The following DDX24 variants were observed in gnomAD, a reference collection of about 807,000 sequenced individuals.
The protein encoded by DDX24 is DEAD-box helicase 24.
A neutral mutation model predicts 68.9 loss-of-function variants in DDX24; 24 were observed. The ratio of observed to expected loss-of-function variants is 0.35; its 90% confidence interval spans 0.25 to 0.49. The LOEUF is 0.49. DDX24 is among the 20% of genes least tolerant of loss of function. The pLI, the probability that DDX24 is intolerant of heterozygous loss-of-function variation, is 0.99. For missense variants in DDX24, 989 were observed against 1,039.0 expected (o/e 0.95, Z 0.66); for synonymous variants, 395 against 385.2 (o/e 1.03, Z -0.30).
Position 94,080,769 on chromosome 14 carries a change from C to T in DDX24, c.-6+350G>A, listed in dbSNP as rs1297178729. ...TCAACAAGGAGAGGGCGAGGGGTGCCACGCGAACCGGGCGAGGACACGGAG... is the reference window on the plus strand; with the variant it reads ...TCAACAAGGAGAGGGCGAGGGGTGCTACGCGAACCGGGCGAGGACACGGAG... On this transcript the variant is annotated intron_variant, in intron 1 of 8. Transcript: ENST00000621632. Among the ~76,000 whole-genome samples the T allele has an allele frequency of 3.9e-5, 6 of 152,252 alleles. No homozygotes were observed. The East Asian group carries it at 1.2e-3, about 29-fold the overall frequency.
chr14:94,062,451 C>A lies in DDX24; in HGVS notation c.889G>T (p.Ala297Ser). The change falls in exon 3 of 9, where the codon GCA (alanine) becomes TCA (serine). Residue 297 changes from alanine to serine, a missense_variant. Around this residue, in one of 3 missense-constraint regions of DDX24, gnomAD observed 691 missense variants for 760.0 expected, o/e 0.91. Coordinates refer to ENST00000621632, the MANE Select transcript of DDX24 (RefSeq NM_020414.4). ...SPGKAEAESD[A>S]LPDDTVIESE... Reference sequence around the variant, plus strand: ...TCAATTACAGTATCGTCAGGCAATGCATCAGACTCAGCTTCAGCCTTGCCT... The same window carrying A: ...TCAATTACAGTATCGTCAGGCAATGAATCAGACTCAGCTTCAGCCTTGCCT... The A allele has an allele frequency of 1.9e-6, 3 of 1,614,170 alleles. No individual in the cohort carries two copies. Among genetic ancestry groups the A allele is most frequent in the Non-Finnish European group, 2.5e-6 (3 of 1,180,030 alleles).
At position 94,076,574 on chromosome 14, in the gene DDX24, G is replaced by A. The variant is rs574838591; in HGVS notation, c.718+2451C>T. Among the ~76,000 whole-genome samples the A allele has an allele frequency of 3.3e-5, 5 of 151,970 alleles. No homozygotes were observed. In the East Asian group the frequency reaches 7.7e-4, roughly 23 times the overall value. ...CAAGTGCCTGTAATCCCAGCTATTC[G>A]GGAAGCTGAGGCAGGAGAATCACTT... On this transcript the variant is annotated intron_variant, in intron 2 of 8. Transcript: ENST00000621632.
chr14:94,070,981 C>A (rs1023623964), intron 2 of DDX24, among the ~76,000 whole-genome samples: 1 of 152,098 alleles, frequency 6.6e-6, no homozygotes, highest in African/African-American at 2.4e-5. Context: ...AACCCAAAAG[C>A]AAATGCAATA....
intron 1 of DDX24, among the ~76,000 whole-genome samples, chr14:94,080,651 G>A (rs1241065639): frequency 6.6e-6 from 1 of 152,006 alleles, no homozygotes; most frequent in Non-Finnish European, 1.5e-5. Flanking sequence ...CCGGCGAGGA[G>A]AGCACGTTCG....
Position 94,079,751 on chromosome 14 carries a change from A to T in DDX24, c.-5-4T>A. ...GTGTCCTTCAACTTCATGGTTGCTG[A>T]AAAGGAGATACATGTTCTATTAGGT... is the stretch of plus-strand genomic sequence containing the variant. On this transcript the variant is annotated splice_polypyrimidine_tract_variant and splice_region_variant and intron_variant, in intron 1 of 8. Coordinates refer to ENST00000621632, the MANE Select transcript of DDX24 (RefSeq NM_020414.4). The T allele has an allele frequency of 6.2e-7, 1 of 1,611,148 alleles. No individual in the cohort carries two copies. Among genetic ancestry groups the T allele is most frequent in the Non-Finnish European group, 8.5e-7 (1 of 1,178,512 alleles).
At chr14:94,052,852 A>T in intron 8 of DDX24, 146 bp downstream of exon 8, 1 of 1,147,250 alleles carries the variant, frequency 8.7e-7, no homozygotes, top group South Asian at 1.6e-5. Context: ...CAGTAGGCTC[A>T]CCTGGGACCA....
Position 94,079,527 on chromosome 14 carries a change from T to C in DDX24, c.216A>G (p.Glu72=). 1 of 1,614,202 alleles carries C rather than the reference T, an allele frequency of 6.2e-7. No homozygotes were observed. Among genetic ancestry groups the C allele is most frequent in the Non-Finnish European group, 8.5e-7 (1 of 1,180,038 alleles). Residue 72 remains glutamate, a synonymous_variant, in exon 2 of 9, where the codon GAA becomes GAG. Transcript: ENST00000621632. ...CAGCTTGTGCCTTTCTCTTGGGTGC[T>C]TCCTTTGAGAAGAGACTGGAGGGAT... The part of the protein sequence containing the change: ...AKNPSSLFSK[E]APKRKAQAVS...
In DDX24 at chr14:94,066,626, T is replaced by C. The variant is rs138088820; in HGVS notation, c.719-4005A>G. Among the ~76,000 whole-genome samples, 83 of 152,286 alleles carry C rather than the reference T, an allele frequency of 5.5e-4. 2 individuals are homozygous for C. Among genetic ancestry groups the C allele is most frequent in the African/African-American group, 2.0e-3 (82 of 41,576 alleles). On this transcript the variant is annotated intron_variant, in intron 2 of 8. Transcript: ENST00000621632. ...CCACCGGAACAGGCGCTGGTATCCG[T>C]GGCTGAGAGCCCCATAGACGGTTAA...
chr14:94,080,544 T>A (rs1886052330), intron 1 of DDX24, among the ~76,000 whole-genome samples: 1 of 152,026 alleles, frequency 6.6e-6, no homozygotes, highest in Non-Finnish European at 1.5e-5. Flanking sequence ...TTTCCCAGTC[T>A]GCACAATGGG....
intron 2 of DDX24, among the ~76,000 whole-genome samples, chr14:94,069,891 C>T (rs1206912774): frequency 6.6e-6 from 1 of 152,182 alleles, no homozygotes; most frequent in Non-Finnish European, 1.5e-5. Context: ...GACAAACCCA[C>T]AGTCAACATA....
intron 2 of DDX24, among the ~76,000 whole-genome samples, chr14:94,063,300 AAG>A (rs1317797300): frequency 2.0e-5 from 3 of 151,894 alleles, no homozygotes; most frequent in East Asian, 3.9e-4. Context: ...ATAAGGAAAA[AAG>A]AGAGCAAAAA....
rs776307500 is a variant in DDX24 at position 94,079,476 on chromosome 14, C to T, written c.267G>A (p.Glu89=). The change falls in exon 2 of 9, where the codon GAG becomes GAA. Residue 89 remains glutamate, a synonymous_variant. Coordinates refer to ENST00000621632, the MANE Select transcript of DDX24 (RefSeq NM_020414.4). ...QAVSEEEEEE[E]GKSSSPKKKI... ...TTTTCTTTGGTGAGCTAGACTTTCCCTCCTCCTCCTCCTCTTCTTCTGAAA... is the reference window on the plus strand; with the variant it reads ...TTTTCTTTGGTGAGCTAGACTTTCCTTCCTCCTCCTCCTCTTCTTCTGAAA... 11 of 1,613,430 alleles carry T rather than the reference C, an allele frequency of 6.8e-6. No individual in the cohort carries two copies. In the East Asian group the frequency reaches 2.5e-4, roughly 36 times the overall value.
intron 2 of DDX24, among the ~76,000 whole-genome samples, chr14:94,069,054 AC>A (rs1421931236): frequency 7.2e-5 from 11 of 152,324 alleles, no homozygotes; most frequent in South Asian, 2.1e-4. Context: ...AAACAAAAAA[AC>A]AAAAGATAAA....
chr14:94,063,115 C>T (rs1885630809), intron 2 of DDX24, among the ~76,000 whole-genome samples: 1 of 152,166 alleles, frequency 6.6e-6, no homozygotes. Flanking sequence ...CAAAACAAAA[C>T]ATCTCAGGCT....
At chr14:94,063,653 G>A (rs1312795042) in intron 2 of DDX24, among the ~76,000 whole-genome samples, 1 of 152,226 alleles carries the variant, frequency 6.6e-6, no homozygotes, top group Admixed American at 6.5e-5. Flanking sequence ...TTATGGCCAG[G>A]CATGGTGGCT....
chr14:94,074,093 T>C (rs1305103012), intron 2 of DDX24, among the ~76,000 whole-genome samples: 1 of 151,754 alleles, frequency 6.6e-6, no homozygotes, highest in Non-Finnish European at 1.5e-5. Context: ...TCTAATCTAT[T>C]AAACAAAGTA....
chr14:94,060,805 C>T, intron 4 of DDX24, 108 bp downstream of exon 4: 3 of 1,517,030 alleles, frequency 2.0e-6, no homozygotes, highest in Non-Finnish European at 1.8e-6. Flanking sequence ...CTGGATGATA[C>T]CACACCATAG....
At chr14:94,065,905 A>G (rs1043833944) in intron 2 of DDX24, among the ~76,000 whole-genome samples, 1 of 152,222 alleles carries the variant, frequency 6.6e-6, no homozygotes, top group African/African-American at 2.4e-5. Flanking sequence ...ATCCACTGGG[A>G]GGGTGGCCAC....
chr14:94,070,293 T>C (rs1254239488), intron 2 of DDX24, among the ~76,000 whole-genome samples: 1 of 150,912 alleles, frequency 6.6e-6, no homozygotes, highest in African/African-American at 2.4e-5. Flanking sequence ...TACTTAGGAA[T>C]ATGCCTAACA....
Sources: gnomAD v4.1 joint callset for allele counts (sites outside exome capture counted in the v4.1 genomes callset) on GRCh38, gnomAD v4.1.1 for gene constraint, gnomAD v4.1.1 regional missense constraint, MANE v1.5 for transcripts, NCBI Gene and HGNC (gene_info 2026-07-23, HGNC 2026-07-21) for gene names.